The following DACH1 variants were observed in gnomAD, a reference collection of about 807,000 sequenced individuals.
DACH1 encodes dachshund family transcription factor 1, also known as dachshund homolog 1.
A neutral mutation model predicts 54.2 loss-of-function variants in DACH1; 12 were observed. The ratio of observed to expected loss-of-function variants is 0.22; its 90% CI spans 0.14 to 0.36. The LOEUF is 0.36. Among genes scored for constraint, DACH1 ranks in the 10% least tolerant of loss-of-function variants. The pLI, the probability that DACH1 is intolerant of heterozygous loss-of-function variation, is 1.00. For missense variants in DACH1, 805 were observed against 929.8 expected (o/e 0.87, Z 1.75); for synonymous variants, 386 against 366.2 (o/e 1.05, Z -0.62).
intron 3 of DACH1, among the ~76,000 whole-genome samples, chr13:71,601,697 C>G (rs1333419914): frequency 3.3e-5 from 5 of 151,858 alleles, no homozygotes; most frequent in Non-Finnish European, 1.5e-5. Context: ...AATGTCAGTA[C>G]TCTATTATCA....
intron 3 of DACH1, among the ~76,000 whole-genome samples, chr13:71,602,732 G>C (rs1482967004): frequency 6.6e-6 from 1 of 152,026 alleles, no homozygotes; most frequent in Non-Finnish European, 1.5e-5. Context: ...GTTAAATGGA[G>C]AAATTCTGTC....
intron 10 of DACH1, among the ~76,000 whole-genome samples, chr13:71,453,485 T>C (rs1297224040): frequency 2.0e-5 from 3 of 152,092 alleles, no homozygotes; most frequent in Non-Finnish European, 2.9e-5. Context: ...GATGTCAGAA[T>C]AAATTTATGT....
chr13:71,815,977 C>T lies in DACH1; in HGVS notation c.848+49945G>A, dbSNP rs1429325500. Among the ~76,000 whole-genome samples, 4 of 151,480 alleles carry T rather than the reference C, an allele frequency of 2.6e-5. No individual in the cohort carries two copies. In the East Asian group the frequency reaches 5.8e-4, roughly 22 times the overall value. Reference sequence around the variant, plus strand: ...GCGGGCGCCTGTAGTCCCAGCTACTCGGGAGGCTGAGGCAGGAGAATGGCA... The same window carrying T: ...GCGGGCGCCTGTAGTCCCAGCTACTTGGGAGGCTGAGGCAGGAGAATGGCA... On this transcript the variant is annotated intron_variant, in intron 1 of 10. Transcript: ENST00000613252.
intron 3 of DACH1, among the ~76,000 whole-genome samples, chr13:71,593,106 A>G (rs1370276945): frequency 6.6e-6 from 1 of 152,190 alleles, no homozygotes; most frequent in Non-Finnish European, 1.5e-5. Context: ...GATTGACTAA[A>G]GCCAGGAATT....
chr13:71,482,015 C>T (rs1220533455), intron 7 of DACH1, among the ~76,000 whole-genome samples: 1 of 152,062 alleles, frequency 6.6e-6, no homozygotes, highest in African/African-American at 2.4e-5. Flanking sequence ...GATTTTTTCT[C>T]CAAGGGGAGG....
chr13:71,767,876 G>A (rs1256856388), intron 1 of DACH1, among the ~76,000 whole-genome samples: 3 of 151,908 alleles, frequency 2.0e-5, no homozygotes, highest in African/African-American at 7.3e-5. Context: ...TCAGTGGGAT[G>A]AGAAGAATAT....
At chr13:71,821,493 A>AAATTTAAATTATAAGATTTT (rs1412875678) in intron 1 of DACH1, among the ~76,000 whole-genome samples, 1 of 151,744 alleles carries the variant, frequency 6.6e-6, no homozygotes, top group Non-Finnish European at 1.5e-5. Context: ...TTTTAAATTT[A>AAATTTAAATTATAAGATTTT]AAATTTTCCC....
chr13:71,537,102 T>C (rs1014753668), intron 6 of DACH1, among the ~76,000 whole-genome samples: 3 of 152,096 alleles, frequency 2.0e-5, no homozygotes, highest in Non-Finnish European at 4.4e-5. Flanking sequence ...CCTCCCTGAA[T>C]TCATCTTACC....
At chr13:71,476,805 A>G (rs1364463710) in intron 8 of DACH1, among the ~76,000 whole-genome samples, 1 of 151,884 alleles carries the variant, frequency 6.6e-6, no homozygotes, top group Admixed American at 6.6e-5. Context: ...ATGTATACAT[A>G]TGGTAACTAC....
intron 3 of DACH1, among the ~76,000 whole-genome samples, chr13:71,584,842 G>T (rs1392851624): frequency 6.6e-6 from 1 of 151,920 alleles, no homozygotes; most frequent in Non-Finnish European, 1.5e-5. Flanking sequence ...CAAGACAACA[G>T]AAACGATCAG....
chr13:71,490,440 G>T (rs1201648985), intron 6 of DACH1, among the ~76,000 whole-genome samples: 1 of 152,142 alleles, frequency 6.6e-6, no homozygotes, highest in Non-Finnish European at 1.5e-5. Flanking sequence ...CTGGAGAGGG[G>T]AGTAACGGCC....
chr13:71,572,715 T>A (rs1205815399), intron 4 of DACH1, 125 bp downstream of exon 4: 13 of 1,036,522 alleles, frequency 1.3e-5, no homozygotes, highest in Non-Finnish European at 1.6e-5. Context: ...TGATTTTTTT[T>A]AATAGTCTAT....
intron 6 of DACH1, among the ~76,000 whole-genome samples, chr13:71,549,131 T>C (rs1883646414): frequency 6.6e-6 from 1 of 151,868 alleles, no homozygotes; most frequent in South Asian, 2.1e-4. Context: ...GATAACCAAT[T>C]CATTAAGCCA....
At chr13:71,865,526 C>A (rs1477279219) in intron 1 of DACH1, among the ~76,000 whole-genome samples, 1 of 152,098 alleles carries the variant, frequency 6.6e-6, no homozygotes, top group Non-Finnish European at 1.5e-5. Flanking sequence ...TCCTGGGGAG[C>A]GCACGAACGC....
At chr13:71,666,980 A>T (rs1322996595) in intron 2 of DACH1, among the ~76,000 whole-genome samples, 1 of 152,208 alleles carries the variant, frequency 6.6e-6, no homozygotes, top group Non-Finnish European at 1.5e-5. Flanking sequence ...CTATCTCAAA[A>T]TAATAAATAA....
chr13:71,776,101 A>C (rs2138048974), intron 1 of DACH1, among the ~76,000 whole-genome samples: 1 of 152,270 alleles, frequency 6.6e-6, no homozygotes, highest in Middle Eastern at 3.4e-3. Context: ...CCAGCTTTGG[A>C]ATAATTAAGC....
intron 10 of DACH1, among the ~76,000 whole-genome samples, chr13:71,461,516 C>CTT (rs1054777193): frequency 1.3e-5 from 2 of 152,022 alleles, no homozygotes; most frequent in African/African-American, 2.4e-5. Flanking sequence ...GAATCTGCAA[C>CTT]TTTGCATATA....
chr13:71,713,530 T>C (rs1203226767), intron 1 of DACH1, among the ~76,000 whole-genome samples: 3 of 152,188 alleles, frequency 2.0e-5, no homozygotes, highest in African/African-American at 7.2e-5. Flanking sequence ...ATTATAGATT[T>C]AGATAATCTT....
At chr13:71,499,136 G>GAC (rs3075798) in intron 6 of DACH1, among the ~76,000 whole-genome samples, 4,717 of 148,896 alleles carry the variant, frequency 0.032, 206 homozygotes, top group Admixed American at 0.12. Flanking sequence ...CACACACGCA[G>GAC]ACACACACAC....
Sources: gnomAD v4.1 joint callset for allele counts (sites outside exome capture counted in the v4.1 genomes callset) on GRCh38, gnomAD v4.1.1 for gene constraint, MANE v1.5 for transcripts, NCBI Gene and HGNC (gene_info 2026-07-23, HGNC 2026-07-21) for gene names.